LINGO2: variants seen among roughly 807,000 people sequenced by gnomAD.
LINGO2 encodes leucine rich repeat and Ig domain containing 2.
In LINGO2, 14 loss-of-function variants were observed where a neutral mutation model predicts 30.6. The ratio of observed to expected loss-of-function variants is 0.46; its 90% CI spans 0.30 to 0.72. The LOEUF is 0.72. LINGO2 is among the 30% of genes least tolerant of loss of function. LINGO2 has a pLI of 0.07. For missense variants in LINGO2, 729 were observed against 751.7 expected (o/e 0.97, Z 0.35); for synonymous variants, 317 against 288.5 (o/e 1.10, Z -1.00).
chr9:29,139,117 G>A, the LINGO2 span, among the ~76,000 whole-genome samples: 11 of 152,100 alleles, frequency 7.2e-5, no homozygotes, highest in African/African-American at 1.9e-4. Context: ...GAAACTGAGC[G>A]TAGCCTCCAG....
chr9:29,178,002 C>T, the LINGO2 span, among the ~76,000 whole-genome samples: 54 of 151,402 alleles, frequency 3.6e-4, no homozygotes, highest in Non-Finnish European at 6.0e-4. Context: ...CTATTCTATC[C>T]CTTCCATTTT....
downstream of LINGO2, among the ~76,000 whole-genome samples, chr9:27,946,343 A>T (rs147200271): frequency 4.6e-5 from 7 of 152,272 alleles, no homozygotes; most frequent in African/African-American, 1.7e-4. Context: ...TATTCCATAG[A>T]TCAGAGTATG....
intron 5 of LINGO2, among the ~76,000 whole-genome samples, chr9:27,997,964 G>T (rs113846369): frequency 6.6e-6 from 1 of 151,110 alleles, no homozygotes; most frequent in African/African-American, 2.4e-5. Flanking sequence ...TGGGGTGGGA[G>T]GGGGGGAGGT....
At chr9:29,113,217 T>G in the LINGO2 span, among the ~76,000 whole-genome samples, 1 of 152,160 alleles carries the variant, frequency 6.6e-6, no homozygotes, top group South Asian at 2.1e-4. Flanking sequence ...TTTTACAAAC[T>G]AAGAAGGATA....
At chr9:28,009,334 C>A (rs1587679583) in intron 5 of LINGO2, among the ~76,000 whole-genome samples, 2 of 140,886 alleles carry the variant, frequency 1.4e-5, no homozygotes. Context: ...GATCTTCTTA[C>A]AGTATCAAAA....
At chr9:28,498,215 G>A (rs1564244048) in intron 1 of LINGO2, among the ~76,000 whole-genome samples, 1 of 152,190 alleles carries the variant, frequency 6.6e-6, no homozygotes, top group Non-Finnish European at 1.5e-5. Context: ...GTCTGCAGAG[G>A]TTTCTGCGGC....
chr9:28,536,222 G>A (rs992407245), intron 1 of LINGO2, among the ~76,000 whole-genome samples: 4 of 152,002 alleles, frequency 2.6e-5, no homozygotes, highest in Admixed American at 1.3e-4. Context: ...TTAGAGATAA[G>A]ATATCAAATT....
chr9:28,459,686 T>C (rs1335404759), intron 2 of LINGO2, among the ~76,000 whole-genome samples: 1 of 152,068 alleles, frequency 6.6e-6, no homozygotes. Flanking sequence ...TCTCGGTCCA[T>C]AGATGGTACC....
intron 2 of LINGO2, among the ~76,000 whole-genome samples, chr9:28,432,926 A>G (rs1430388693): frequency 6.6e-6 from 1 of 152,106 alleles, no homozygotes; most frequent in East Asian, 1.9e-4. Flanking sequence ...CGTTGTTAAG[A>G]AATCTTGTTT....
chr9:29,029,677 A>G, the LINGO2 span, among the ~76,000 whole-genome samples: 1 of 152,124 alleles, frequency 6.6e-6, no homozygotes, highest in African/African-American at 2.4e-5. Context: ...AAAATGCATC[A>G]CTTTGAAGAG....
At position 28,139,310 on chromosome 9, in the gene LINGO2, A is replaced by G. The variant is rs1024168226; in HGVS notation, c.-86-126905T>C. ...TACAGCTGTTTAAAACACAGTTTAC[A>G]TATACCTTATTTATATAGTATAGAC... On this transcript the variant is annotated intron_variant, in intron 4 of 5. Coordinates refer to ENST00000379992, the Ensembl canonical transcript of LINGO2. Among the ~76,000 whole-genome samples, 6 of 152,232 alleles carry G rather than the reference A, an allele frequency of 3.9e-5. No homozygotes were observed. In the East Asian group the frequency reaches 1.2e-3, roughly 29 times the overall value.
the LINGO2 span, among the ~76,000 whole-genome samples, chr9:28,800,863 G>C: frequency 6.6e-6 from 1 of 152,064 alleles, no homozygotes; most frequent in East Asian, 1.9e-4. Flanking sequence ...TGAGTATATA[G>C]TTATTTCCCA....
chr9:29,204,446 C>T, the LINGO2 span, among the ~76,000 whole-genome samples: 1 of 113,482 alleles, frequency 8.8e-6, no homozygotes, highest in Admixed American at 9.4e-5. Context: ...TTATATCTGT[C>T]CCCTTCCCAC....
intron 1 of LINGO2, among the ~76,000 whole-genome samples, chr9:28,622,622 A>C (rs1173724841): frequency 2.6e-5 from 4 of 151,970 alleles, no homozygotes; most frequent in African/African-American, 9.7e-5. Flanking sequence ...GTTGCTTCCA[A>C]ATCTTAGCTA....
chr9:28,632,854 T>TATATATATATA (rs1563878982), intron 1 of LINGO2, among the ~76,000 whole-genome samples: 1 of 83,080 alleles, frequency 1.2e-5, no homozygotes, highest in African/African-American at 7.6e-5. Flanking sequence ...TATATATATT[T>TATATATATATA]TTTATATATA....
At chr9:28,310,307 G>A (rs1328249270) in intron 3 of LINGO2, among the ~76,000 whole-genome samples, 3 of 152,142 alleles carry the variant, frequency 2.0e-5, no homozygotes. Context: ...CAACATGTGA[G>A]TGGGTAAACA....
chr9:28,511,312 C>G (rs1228477007), intron 1 of LINGO2, among the ~76,000 whole-genome samples: 1 of 152,162 alleles, frequency 6.6e-6, no homozygotes, highest in Non-Finnish European at 1.5e-5. Context: ...ATCAACCTGC[C>G]ACCAGGTAGC....
At chr9:29,061,941 T>C in the LINGO2 span, among the ~76,000 whole-genome samples, 1 of 152,052 alleles carries the variant, frequency 6.6e-6, no homozygotes, top group Non-Finnish European at 1.5e-5. Flanking sequence ...AGGAGATCAT[T>C]ATACAGACTA....
chr9:28,326,363 G>A (rs902575563), intron 3 of LINGO2, among the ~76,000 whole-genome samples: 2 of 152,070 alleles, frequency 1.3e-5, no homozygotes, highest in African/African-American at 2.4e-5. Context: ...TGCCAATGTC[G>A]GTTTTTTCCT....
Sources: allele counts gnomAD v4.1 joint callset (sites outside exome capture counted in the v4.1 genomes callset), GRCh38; gene constraint gnomAD v4.1.1; transcripts MANE v1.5; gene names NCBI Gene and HGNC (gene_info 2026-07-23, HGNC 2026-07-21).